GRM5: variants seen among roughly 807,000 people sequenced by gnomAD.
The protein encoded by GRM5 is metabotropic glutamate receptor 5.
In GRM5, 19 loss-of-function variants were observed where a neutral mutation model predicts 83.1. That is an observed-to-expected ratio of 0.23 (90% CI 0.16 to 0.34). The LOEUF (loss-of-function observed/expected upper bound fraction) is 0.34. GRM5 is among the 10% of genes least tolerant of loss of function. The pLI is 1.00. For missense variants in GRM5, 1,160 were observed against 1,588.3 expected (o/e 0.73, Z 4.58); for synonymous variants, 675 against 633.6 (o/e 1.07, Z -0.98).
chr11:88,881,375 A>G (rs1944951353), intron 2 of GRM5, among the ~76,000 whole-genome samples: 1 of 151,918 alleles, frequency 6.6e-6, no homozygotes, highest in Non-Finnish European at 1.5e-5. Context: ...GATCAACAAG[A>G]GATGAACTTG....
chr11:88,665,920 A>G (rs996359551), intron 3 of GRM5, among the ~76,000 whole-genome samples: 1 of 151,948 alleles, frequency 6.6e-6, no homozygotes, highest in Non-Finnish European at 1.5e-5. Context: ...ATTGAAGTTG[A>G]ACTCATTGAT....
chr11:88,745,131 G>T (rs1942106394), intron 3 of GRM5, among the ~76,000 whole-genome samples: 2 of 151,852 alleles, frequency 1.3e-5, no homozygotes, highest in Admixed American at 6.6e-5. Context: ...CCAGGGTTAT[G>T]GTCACCCAAA....
chr11:88,802,381 C>A (rs1370716047), intron 3 of GRM5, among the ~76,000 whole-genome samples: 2 of 152,074 alleles, frequency 1.3e-5, no homozygotes, highest in Non-Finnish European at 2.9e-5. Flanking sequence ...AAAATCATGT[C>A]TTTTGCAGAA....
Position 88,567,158 on chromosome 11 carries a change from AC to A in GRM5, c.2524del (p.Val842TrpfsTer6). 1 of 1,614,028 alleles carries A rather than the reference AC, an allele frequency of 6.2e-7. No homozygotes were observed. ...NVRSAFTTST[V>X]VRMHVGDGKS... ...GCCATCCCCTACATGCATGCGCACC[AC>A]GGTAGATGTGGTGAAGGCGCTGCGC... On this transcript the variant is annotated frameshift_variant, in exon 8 of 10. Coordinates refer to ENST00000305447, the MANE Select transcript of GRM5 (RefSeq NM_001143831.3). LOFTEE classifies it high-confidence loss of function. The surrounding 1 kb of genome is among the most constrained non-coding windows in gnomAD (Gnocchi z 7.3).
intron 4 of GRM5, among the ~76,000 whole-genome samples, chr11:88,644,827 T>G: frequency 6.6e-6 from 1 of 151,930 alleles, no homozygotes; most frequent in Non-Finnish European, 1.5e-5. Context: ...GGGAGAGAAT[T>G]AAGCACCACA....
intron 3 of GRM5, among the ~76,000 whole-genome samples, chr11:88,706,300 T>C (rs2135379042): frequency 6.6e-6 from 1 of 152,176 alleles, no homozygotes; most frequent in Non-Finnish European, 1.5e-5. Context: ...CCTTCCTCAC[T>C]CAAGATTTAG....
chr11:88,643,056 G>C (rs984653698), intron 4 of GRM5, among the ~76,000 whole-genome samples: 2 of 148,956 alleles, frequency 1.3e-5, no homozygotes, highest in African/African-American at 4.9e-5. Context: ...TTTTTACATT[G>C]TTATTAAAAA....
Position 89,018,359 on chromosome 11 carries a change from T to C in GRM5, c.661+28853A>G, listed in dbSNP as rs867832822. Among the ~76,000 whole-genome samples the C allele has an allele frequency of 3.7e-4, 57 of 152,284 alleles. 1 individual carries two copies. Among genetic ancestry groups the C allele is most frequent in the African/African-American group, 1.2e-3 (48 of 41,556 alleles). Reference sequence around the variant, plus strand: ...CAGTGATGCAATAATATGTGAAATGTACTGTGGCGAGATCCCTCAGTCATT... The same window carrying C: ...CAGTGATGCAATAATATGTGAAATGCACTGTGGCGAGATCCCTCAGTCATT... On this transcript the variant is annotated intron_variant, in intron 2 of 9. Coordinates refer to ENST00000305447, the MANE Select transcript of GRM5 (RefSeq NM_001143831.3).
rs115170744 is a variant in GRM5 at position 88,912,700 on chromosome 11, T to C, written c.662-62545A>G. Among the ~76,000 whole-genome samples, 612 of 152,336 alleles carry C rather than the reference T, an allele frequency of 4.0e-3. 2 individuals are homozygous for C. Among genetic ancestry groups the C allele is most frequent in the African/African-American group, 0.014 (577 of 41,582 alleles). On this transcript the variant is annotated intron_variant, in intron 2 of 9. Coordinates refer to ENST00000305447, the MANE Select transcript of GRM5 (RefSeq NM_001143831.3). ...TCCTTGTTAATGTTCAATCTTTCTATAGTATCTCTTAAAGATTTTCCAGTA... is the reference window on the plus strand; with the variant it reads ...TCCTTGTTAATGTTCAATCTTTCTACAGTATCTCTTAAAGATTTTCCAGTA...
intron 3 of GRM5, among the ~76,000 whole-genome samples, chr11:88,829,087 A>G (rs1365459753): frequency 6.6e-6 from 1 of 152,176 alleles, no homozygotes; most frequent in African/African-American, 2.4e-5. Flanking sequence ...AGAGAAAAAC[A>G]AAATTAGTAT....
At chr11:88,583,246 T>C (rs1943250120) in intron 7 of GRM5, among the ~76,000 whole-genome samples, 1 of 152,148 alleles carries the variant, frequency 6.6e-6, no homozygotes, top group Admixed American at 6.6e-5. Flanking sequence ...TTGGAGCTCA[T>C]CCTCTGCTCC....
At chr11:88,656,459 G>T (rs904236380) in intron 3 of GRM5, among the ~76,000 whole-genome samples, 1 of 152,088 alleles carries the variant, frequency 6.6e-6, no homozygotes, top group Non-Finnish European at 1.5e-5. Flanking sequence ...GTCATTCATG[G>T]GCATGCAGAG....
intron 3 of GRM5, among the ~76,000 whole-genome samples, chr11:88,706,537 A>G (rs1313481881): frequency 1.3e-5 from 2 of 152,112 alleles, no homozygotes; most frequent in Admixed American, 1.3e-4. Context: ...ATATTGCGAT[A>G]CAATTTATCA....
chr11:89,035,354 A>T (rs1941359411), intron 2 of GRM5, among the ~76,000 whole-genome samples: 1 of 151,856 alleles, frequency 6.6e-6, no homozygotes, highest in Non-Finnish European at 1.5e-5. Context: ...AAATGCTATC[A>T]TATGTAATTC....
intron 2 of GRM5, among the ~76,000 whole-genome samples, chr11:88,935,731 A>C (rs1009504325): frequency 3.3e-5 from 5 of 151,948 alleles, no homozygotes; most frequent in African/African-American, 1.2e-4. Context: ...AAAGGAATAC[A>C]TATTTTACAG....
chr11:88,650,034 A>G (rs929241169), intron 4 of GRM5, among the ~76,000 whole-genome samples: 2 of 151,962 alleles, frequency 1.3e-5, no homozygotes, highest in East Asian at 3.9e-4. Context: ...CTTGAATGTG[A>G]TAAGAACCAA....
At chr11:89,045,334 C>G (rs1565349833) in intron 2 of GRM5, among the ~76,000 whole-genome samples, 1 of 152,112 alleles carries the variant, frequency 6.6e-6, no homozygotes, top group Non-Finnish European at 1.5e-5. Flanking sequence ...CATTTCTTAA[C>G]TTAGATTTCT....
At chr11:88,543,633 C>CTT (rs57828466) in intron 8 of GRM5, among the ~76,000 whole-genome samples, 16,419 of 133,602 alleles carry the variant, frequency 0.12, 1,211 homozygotes, top group Non-Finnish European at 0.16. Context: ...TCATGTTATC[C>CTT]TTTTTTTTTT....
At chr11:88,515,821 G>A (rs1342562182) in intron 9 of GRM5, among the ~76,000 whole-genome samples, 4 of 152,202 alleles carry the variant, frequency 2.6e-5, no homozygotes, top group Non-Finnish European at 1.5e-5. Flanking sequence ...GTGTCTAGAA[G>A]CTGCTGCAGT....
Sources: gnomAD v4.1 joint callset for allele counts (sites outside exome capture counted in the v4.1 genomes callset) on GRCh38, gnomAD v4.1.1 for gene constraint, Gnocchi (gnomAD v3.1) non-coding constraint, MANE v1.5 for transcripts, NCBI Gene and HGNC (gene_info 2026-07-23, HGNC 2026-07-21) for gene names.